Variants in RSF1 observed in about 807,000 individuals in gnomAD.
RSF1 encodes HBV pX-associated protein 8.
Under a neutral mutation model 145.2 loss-of-function variants are expected in RSF1, and 13 were observed. The ratio of observed to expected loss-of-function variants is 0.09; its 90% CI spans 0.06 to 0.14. RSF1 has a LOEUF of 0.14. Ranked by LOEUF, RSF1 falls within the 10% of genes least tolerant of loss-of-function variation. The pLI, the probability that RSF1 is intolerant of heterozygous loss-of-function variation, is 1.00. For missense variants in RSF1, 1,517 were observed against 1,718.2 expected (o/e 0.88, Z 2.07); for synonymous variants, 577 against 592.6 (o/e 0.97, Z 0.38).
chr11:77,810,613 T>A (rs2135987113), intron 1 of RSF1, among the ~76,000 whole-genome samples: 1 of 152,164 alleles, frequency 6.6e-6, no homozygotes, highest in South Asian at 2.1e-4. Flanking sequence ...CAGATTGGAG[T>A]GCAATGGCAT....
At chr11:77,860,430 G>A in the RSF1 span, among the ~76,000 whole-genome samples, 4 of 152,222 alleles carry the variant, frequency 2.6e-5, no homozygotes, top group African/African-American at 9.6e-5. Flanking sequence ...TGGTGCCTTA[G>A]GATAATTTTA....
chr11:77,826,895 A>G, the RSF1 span, among the ~76,000 whole-genome samples: 1 of 152,314 alleles, frequency 6.6e-6, no homozygotes, highest in African/African-American at 2.4e-5. Flanking sequence ...ACCTGAGGTC[A>G]GAAGTTCGAG....
At chr11:77,780,216 A>T (rs1404482152) in intron 1 of RSF1, among the ~76,000 whole-genome samples, 1 of 152,250 alleles carries the variant, frequency 6.6e-6, no homozygotes, top group African/African-American at 2.4e-5. Context: ...TCTTTAAAAA[A>T]ACCAAGTAAC....
chr11:77,863,234 T>C, the RSF1 span, among the ~76,000 whole-genome samples: 2 of 152,154 alleles, frequency 1.3e-5, no homozygotes, highest in African/African-American at 2.4e-5. Flanking sequence ...GCAGGAACAA[T>C]GGCAAGCCTT....
At chr11:77,819,556 A>G (rs1290639677) in intron 1 of RSF1, among the ~76,000 whole-genome samples, 1 of 152,218 alleles carries the variant, frequency 6.6e-6, no homozygotes, top group Non-Finnish European at 1.5e-5. Context: ...GAACACCAAT[A>G]ATAGACCAGC....
At position 77,795,892 on chromosome 11, in the gene RSF1, A is replaced by C. The variant is rs117593416; in HGVS notation, c.187+24636T>G. Among the ~76,000 whole-genome samples, 1,004 of 152,266 alleles carry C rather than the reference A, an allele frequency of 6.6e-3. 19 individuals are homozygous for C. The East Asian group carries it at 0.085, about 13-fold the overall frequency. On this transcript the variant is annotated intron_variant, in intron 1 of 15. Coordinates refer to ENST00000308488, the MANE Select transcript of RSF1 (RefSeq NM_016578.4). ...GGCTATTAATCACTGCCTCAATTTC[A>C]GAACTTGTTATTGGTTTCCTCAGGG...
At chr11:77,833,491 G>A in the RSF1 span, among the ~76,000 whole-genome samples, 5 of 152,100 alleles carry the variant, frequency 3.3e-5, no homozygotes, top group South Asian at 4.1e-4. Flanking sequence ...GGTAGAGCTC[G>A]GGCAGTAATG....
the RSF1 span, among the ~76,000 whole-genome samples, chr11:77,845,155 G>A: frequency 6.6e-6 from 1 of 151,984 alleles, no homozygotes; most frequent in Non-Finnish European, 1.5e-5. Context: ...CAAATTTGGG[G>A]AAGTTTAGAG....
At chr11:77,706,467 G>A (rs898019407) in intron 5 of RSF1, among the ~76,000 whole-genome samples, 1 of 151,942 alleles carries the variant, frequency 6.6e-6, no homozygotes, top group African/African-American at 2.4e-5. Context: ...TTTTGAAAAT[G>A]GAGCATGCAA....
chr11:77,785,754 G>GA lies in RSF1; in HGVS notation c.188-21066dup, dbSNP rs59830662. On this transcript the variant is annotated intron_variant, in intron 1 of 15. Transcript: ENST00000308488. Reference sequence around the variant, plus strand: ...ATCACGGTGAAACCCCGTCTCTACTGAAAAAAAAAAAATACAAAAAAATTA... The same window carrying GA: ...ATCACGGTGAAACCCCGTCTCTACTGAAAAAAAAAAAAATACAAAAAAATTA... Among the ~76,000 whole-genome samples, 777 of 140,040 alleles carry GA rather than the reference G, an allele frequency of 5.5e-3. 6 individuals carry two copies. The highest frequency in any genetic ancestry group is 0.02 in the Middle Eastern group (5 of 254). The allele number at this position is 140,040 out of a possible 152,430, so 91.9% of individuals were successfully genotyped here.
Position 77,725,534 on chromosome 11 carries a change from CA to C in RSF1, c.733+10del, listed in dbSNP as rs750231726. The C allele has an allele frequency of 5.6e-5, 84 of 1,502,962 alleles. No individual in the cohort carries two copies. Among genetic ancestry groups the C allele is most frequent in the Admixed American group, 2.5e-4 (11 of 44,714 alleles). The allele number at this position is 1,502,962 out of a possible 1,614,324, so 93.1% of individuals were successfully genotyped here. A position where few individuals can be genotyped will look rare whatever the true frequency, so the allele number is the denominator to read the frequency against. On this transcript the variant is annotated intron_variant, in intron 5 of 15. Transcript: ENST00000308488. ...ACAAAACAAAGCAAAACAAAACACA[CA>C]AAAAAAAACCTTGTTTAGGTGTTTC...
In RSF1 at chr11:77,671,634, ATT is replaced by A. The variant is rs145812199; in HGVS notation, c.3751+406_3751+407del. Among the ~76,000 whole-genome samples the A allele has an allele frequency of 5.1e-3, 623 of 122,330 alleles. 2 individuals carry two copies. The highest frequency in any genetic ancestry group is 0.025 in the South Asian group (100 of 4,032). 80.3% of individuals were successfully genotyped at this position (122,330 alleles called of 152,430 possible). On this transcript the variant is annotated intron_variant, in intron 15 of 15. Coordinates refer to ENST00000308488, the MANE Select transcript of RSF1 (RefSeq NM_016578.4). ...CTCAAAGATACTACTGGTTATATGGATTTTTTTTTTTTTTTTTTGAGACACAG... is the reference window on the plus strand; with the variant it reads ...CTCAAAGATACTACTGGTTATATGGATTTTTTTTTTTTTTTTGAGACACAG...
At chr11:77,842,232 TC>T in the RSF1 span, among the ~76,000 whole-genome samples, 3 of 152,322 alleles carry the variant, frequency 2.0e-5, no homozygotes, top group African/African-American at 7.2e-5. Context: ...ATTTTATCTC[TC>T]AAAAATATCC....
At chr11:77,778,440 CAAT>C (rs999446892) in intron 1 of RSF1, among the ~76,000 whole-genome samples, 11 of 152,062 alleles carry the variant, frequency 7.2e-5, no homozygotes, top group African/African-American at 2.7e-4. Context: ...TGGTCTCAAA[CAAT>C]AATAATATAA....
chr11:77,740,109 C>T (rs1961472188), intron 4 of RSF1, among the ~76,000 whole-genome samples: 2 of 152,240 alleles, frequency 1.3e-5, no homozygotes, highest in Admixed American at 1.3e-4. Flanking sequence ...GGCCTGGTGG[C>T]CAACGCCTGT....
rs766958945 is a variant in RSF1 at position 77,702,121 on chromosome 11, C to G, written c.1108G>C (p.Glu370Gln). Reference protein sequence around the residue: ...SHEITEKSTEETEKLKNDQQA... With the variant: ...SHEITEKSTEQTEKLKNDQQA... ...TGGTCATTTTTAAGTTTCTCAGTTT[C>G]TTCAGTAGATTTCTCAGTAATTTCG... is the stretch of plus-strand genomic sequence containing the variant. The change falls in exon 6 of 16, where the codon GAA (glutamate) becomes CAA (glutamine). Residue 370 changes from glutamate to glutamine, a missense_variant. By Grantham distance (29) the Glu-to-Gln change is conservative. Transcript: ENST00000308488. The G allele has an allele frequency of 6.2e-7, 1 of 1,613,342 alleles. No individual in the cohort carries two copies. The highest frequency in any genetic ancestry group is 2.2e-5 in the East Asian group (1 of 44,864).
At chr11:77,851,189 G>A in the RSF1 span, among the ~76,000 whole-genome samples, 73 of 152,088 alleles carry the variant, frequency 4.8e-4, no homozygotes, top group African/African-American at 1.6e-3. Context: ...TCCTGACCTC[G>A]TGATCCACCT....
intron 5 of RSF1, among the ~76,000 whole-genome samples, chr11:77,704,520 G>A (rs4145700): frequency 0.34 from 51,373 of 151,906 alleles, 8,879 homozygotes; most frequent in East Asian, 0.46. Context: ...CTTGGTTTGA[G>A]TAACAACATA....
rs534056766 is a variant in RSF1 at position 77,692,781 on chromosome 11, G to A, written c.2820+726C>T. Among the ~76,000 whole-genome samples the A allele has an allele frequency of 9.8e-4, 148 of 150,956 alleles. 1 individual carries two copies. The highest frequency in any genetic ancestry group is 3.5e-3 in the African/African-American group (143 of 41,158). On this transcript the variant is annotated intron_variant, in intron 8 of 15. Coordinates refer to ENST00000308488, the MANE Select transcript of RSF1 (RefSeq NM_016578.4). ...CAACCTCTGTCTCCCGGGTTCAATCGATTCTCCTGCCTCAGCCTCCCGAGT... is the reference window on the plus strand; with the variant it reads ...CAACCTCTGTCTCCCGGGTTCAATCAATTCTCCTGCCTCAGCCTCCCGAGT...
Sources: gnomAD v4.1 joint callset for allele counts (sites outside exome capture counted in the v4.1 genomes callset) on GRCh38, gnomAD v4.1.1 for gene constraint, MANE v1.5 for transcripts, NCBI Gene and HGNC (gene_info 2026-07-23, HGNC 2026-07-21) for gene names.